The following PXDNL variants were observed in gnomAD, a reference collection of about 807,000 sequenced individuals.
PXDNL encodes peroxidasin like, also known as probable oxidoreductase PXDNL.
Under a neutral mutation model 150.8 loss-of-function variants are expected in PXDNL, and 145 were observed. The observed-to-expected ratio is 0.96, with a 90% CI of 0.84 to 1.10. The LOEUF is 1.10. Ranked by LOEUF, PXDNL falls within the 50% of genes least tolerant of loss-of-function variation. The pLI, the probability that PXDNL is intolerant of heterozygous loss-of-function variation, is 0.00. For missense variants in PXDNL, 2,087 were observed against 1,873.9 expected (o/e 1.11, Z -2.10); for synonymous variants, 757 against 725.7 (o/e 1.04, Z -0.69).
At chr8:51,506,411 C>T (rs532720418) in intron 4 of PXDNL, among the ~76,000 whole-genome samples, 7 of 151,778 alleles carry the variant, frequency 4.6e-5, no homozygotes, top group African/African-American at 7.2e-5. Flanking sequence ...CATGGTGGCG[C>T]GTGCCTGTAA....
At chr8:51,611,877 C>A (rs898811455) in intron 2 of PXDNL, among the ~76,000 whole-genome samples, 3 of 152,158 alleles carry the variant, frequency 2.0e-5, no homozygotes, top group African/African-American at 7.2e-5. Flanking sequence ...AGGAGCGAGG[C>A]CAGGAGCAGC....
At chr8:51,755,287 T>C (rs953253263) in intron 1 of PXDNL, among the ~76,000 whole-genome samples, 5 of 130,142 alleles carry the variant, frequency 3.8e-5, no homozygotes, top group African/African-American at 5.6e-5. Context: ...GATGATGGAA[T>C]AGAATGTTTT....
chr8:51,655,681 T>TG (rs890458891), intron 1 of PXDNL, among the ~76,000 whole-genome samples: 4 of 152,150 alleles, frequency 2.6e-5, no homozygotes, highest in African/African-American at 9.7e-5. Flanking sequence ...GTTTCTTCCA[T>TG]GGGGAACATA....
chr8:51,472,890 T>G (rs1810380474), intron 7 of PXDNL, among the ~76,000 whole-genome samples: 1 of 152,208 alleles, frequency 6.6e-6, no homozygotes, highest in Non-Finnish European at 1.5e-5. Flanking sequence ...TTATTGAACT[T>G]AAATTATAAA....
At position 51,618,032 on chromosome 8, in the gene PXDNL, C is replaced by T. The variant is rs190572570; in HGVS notation, c.237-25334G>A. Reference sequence around the variant, plus strand: ...AAGAAAATCCCACCATTTTGAAAGTCGCTGCTTCTTTTCTGACTGCCAAGT... The same window carrying T: ...AAGAAAATCCCACCATTTTGAAAGTTGCTGCTTCTTTTCTGACTGCCAAGT... On this transcript the variant is annotated intron_variant, in intron 2 of 22. Coordinates refer to ENST00000356297, the MANE Select transcript of PXDNL (RefSeq NM_144651.5). Among the ~76,000 whole-genome samples the T allele has an allele frequency of 6.6e-5, 10 of 152,352 alleles. No individual in the cohort carries two copies. In the East Asian group the frequency reaches 9.6e-4, roughly 15 times the overall value.
At position 51,541,524 on chromosome 8, in the gene PXDNL, T is replaced by C. The variant is rs372004885; in HGVS notation, c.380+15316A>G. ...TGGGAAGTTTTTGGCCCAGGAATTTTTACTGGTTCTTTTCTAGCCACAAGT... is the reference window on the plus strand; with the variant it reads ...TGGGAAGTTTTTGGCCCAGGAATTTCTACTGGTTCTTTTCTAGCCACAAGT... On this transcript the variant is annotated intron_variant, in intron 4 of 22. Coordinates refer to ENST00000356297, the MANE Select transcript of PXDNL (RefSeq NM_144651.5). 9.2e-5 allele frequency among the ~76,000 whole-genome samples: 14 copies of C among 152,160 alleles called. No individual in the cohort carries two copies. The East Asian group carries it at 1.9e-3, about 21-fold the overall frequency.
chr8:51,414,146 C>T (rs1808728905), intron 14 of PXDNL, among the ~76,000 whole-genome samples: 1 of 151,754 alleles, frequency 6.6e-6, no homozygotes, highest in South Asian at 2.1e-4. Context: ...TCCAAAAGAA[C>T]TCCCAATGAA....
chr8:51,430,397 G>C (rs745763322), intron 12 of PXDNL, among the ~76,000 whole-genome samples: 2 of 152,090 alleles, frequency 1.3e-5, no homozygotes, highest in Admixed American at 6.5e-5. Flanking sequence ...ATTTAAAATA[G>C]AGCCAAACAG....
chr8:51,612,183 T>A (rs1409301456), intron 2 of PXDNL, among the ~76,000 whole-genome samples: 1 of 152,024 alleles, frequency 6.6e-6, no homozygotes, highest in Non-Finnish European at 1.5e-5. Context: ...GAAGAGCACA[T>A]TGGTGGTTTT....
rs190975880 is a variant in PXDNL at position 51,397,802 on chromosome 8, C to T, written c.3557+10265G>A. Reference sequence around the variant, plus strand: ...TAAGTTCTAGGGTACATGTGCACAACGTGCATGTTTGTTACATATGTATAC... The same window carrying T: ...TAAGTTCTAGGGTACATGTGCACAATGTGCATGTTTGTTACATATGTATAC... On this transcript the variant is annotated intron_variant, in intron 17 of 22. Coordinates refer to ENST00000356297, the MANE Select transcript of PXDNL (RefSeq NM_144651.5). Among the ~76,000 whole-genome samples the T allele has an allele frequency of 3.4e-3, 524 of 151,936 alleles. 4 individuals carry two copies. Among genetic ancestry groups the T allele is most frequent in the African/African-American group, 0.012 (492 of 41,454 alleles).
chr8:51,331,966 ATAC>A (rs1412724106), intron 21 of PXDNL, among the ~76,000 whole-genome samples: 2 of 151,942 alleles, frequency 1.3e-5, no homozygotes, highest in Non-Finnish European at 2.9e-5. Flanking sequence ...GTCCCTCTCT[ATAC>A]TACTACAGCT....
At chr8:51,656,378 A>G (rs1815150057) in intron 1 of PXDNL, among the ~76,000 whole-genome samples, 1 of 152,214 alleles carries the variant, frequency 6.6e-6, no homozygotes, top group African/African-American at 2.4e-5. Context: ...CACTGCTTAT[A>G]CACCATCCAT....
At chr8:51,643,303 C>G (rs992785233) in intron 2 of PXDNL, among the ~76,000 whole-genome samples, 3 of 152,146 alleles carry the variant, frequency 2.0e-5, no homozygotes, top group African/African-American at 7.2e-5. Context: ...TACCACAAGG[C>G]TACAGTAACC....
At chr8:51,716,388 C>G (rs1247137715) in intron 1 of PXDNL, among the ~76,000 whole-genome samples, 1 of 152,132 alleles carries the variant, frequency 6.6e-6, no homozygotes, top group Non-Finnish European at 1.5e-5. Flanking sequence ...ACATAAATTC[C>G]CCTTTCCCTC....
At chr8:51,686,546 C>T (rs928607788) in intron 1 of PXDNL, among the ~76,000 whole-genome samples, 16 of 152,216 alleles carry the variant, frequency 1.1e-4, no homozygotes, top group African/African-American at 3.1e-4. Context: ...ATTTGCAGCA[C>T]TCATTGAGCA....
At chr8:51,600,254 TCA>T in intron 2 of PXDNL, among the ~76,000 whole-genome samples, 7 of 135,314 alleles carry the variant, frequency 5.2e-5, no homozygotes, top group African/African-American at 2.0e-4. Context: ...AAATTATATC[TCA>T]TATAAATTAT....
chr8:51,347,598 C>T (rs1017378850), intron 19 of PXDNL, among the ~76,000 whole-genome samples: 3 of 152,122 alleles, frequency 2.0e-5, no homozygotes, highest in Admixed American at 6.6e-5. Context: ...AAAATCCAAG[C>T]CTTCTTATAA....
intron 17 of PXDNL, among the ~76,000 whole-genome samples, chr8:51,396,988 C>T (rs1259517618): frequency 6.6e-6 from 1 of 152,174 alleles, no homozygotes; most frequent in Non-Finnish European, 1.5e-5. Context: ...ATTTTGATGG[C>T]TGTCTCTGCC....
In PXDNL at chr8:51,413,245, T is replaced by C; in HGVS notation, c.1809A>G (p.Arg603=). 1 of 1,607,702 alleles carries C rather than the reference T, an allele frequency of 6.2e-7. No individual in the cohort carries two copies. ...MFLTVTAIQG[R]QAGDDFVESS... is the part of the protein sequence containing the mutation. ...ATTCAACAAAGTCATCGCCAGCTTG[T>C]CTACCCTGTATAGCTTTGAAAATCA... The change falls in exon 15 of 23, where the codon AGA becomes AGG. Residue 603 remains arginine, a synonymous_variant. Coordinates refer to ENST00000356297, the MANE Select transcript of PXDNL (RefSeq NM_144651.5).
Sources: allele counts gnomAD v4.1 joint callset (sites outside exome capture counted in the v4.1 genomes callset), GRCh38; gene constraint gnomAD v4.1.1; transcripts MANE v1.5; gene names NCBI Gene and HGNC (gene_info 2026-07-23, HGNC 2026-07-21).